The following FAM168B variants were observed in gnomAD, a reference collection of about 807,000 sequenced individuals.
The protein encoded by FAM168B is family with sequence similarity 168 member B.
Under a neutral mutation model 21.8 loss-of-function variants are expected in FAM168B, and 19 were observed. The observed-to-expected ratio is 0.87, with a 90% CI of 0.61 to 1.28. FAM168B has a LOEUF of 1.28. Ranked by LOEUF, FAM168B falls within the 50% of genes most tolerant of loss-of-function variation. FAM168B has a pLI of 0.00. For synonymous variants in FAM168B, 126 were observed against 104.8 expected, an observed-to-expected ratio of 1.20 and a Z score of -1.24; for missense variants, 233 against 263.1, an observed-to-expected ratio of 0.89 and a Z score of 0.79.
intron 1 of FAM168B, among the ~76,000 whole-genome samples, chr2:131,085,784 T>C (rs935789950): frequency 5.9e-5 from 9 of 152,234 alleles, no homozygotes; most frequent in African/African-American, 2.2e-4. Context: ...AGCTACGTGA[T>C]AGGTCTTGAC....
chr2:131,087,694 T>C (rs1388377481), intron 1 of FAM168B, among the ~76,000 whole-genome samples: 2 of 151,984 alleles, frequency 1.3e-5, no homozygotes, highest in African/African-American at 4.8e-5. Flanking sequence ...CAGGCCTGAG[T>C]GGAGATGTCC....
chr2:131,052,790 C>A, intron 6 of FAM168B, 101 bp downstream of exon 6: 1 of 1,476,114 alleles, frequency 6.8e-7, no homozygotes. Flanking sequence ...CAGGGTCAGG[C>A]ACACTTTCCT....
chr2:131,074,153 A>G (rs1693020046), intron 2 of FAM168B, among the ~76,000 whole-genome samples: 1 of 151,926 alleles, frequency 6.6e-6, no homozygotes, highest in African/African-American at 2.4e-5. Context: ...TTTTTGAGAC[A>G]GAGTCTCGCT....
intron 2 of FAM168B, among the ~76,000 whole-genome samples, chr2:131,077,722 G>C (rs924657280): frequency 2.0e-5 from 3 of 151,668 alleles, no homozygotes; most frequent in African/African-American, 7.3e-5. Context: ...TGGTGATCTT[G>C]AAGGGCTGTA....
intron 5 of FAM168B, among the ~76,000 whole-genome samples, chr2:131,054,888 T>C (rs919741263): frequency 6.6e-6 from 1 of 152,122 alleles, no homozygotes; most frequent in Non-Finnish European, 1.5e-5. Context: ...AACATCCCGA[T>C]GAAGACAACT....
At chr2:131,091,384 G>A (rs1029247803) in intron 1 of FAM168B, among the ~76,000 whole-genome samples, 3 of 151,526 alleles carry the variant, frequency 2.0e-5, no homozygotes, top group African/African-American at 7.3e-5. Flanking sequence ...GGCCGAGCGC[G>A]GTGGTGTCTC....
At position 131,055,388 on chromosome 2, in the gene FAM168B, G is replaced by A; in HGVS notation, c.359C>T (p.Thr120Met). The A allele has an allele frequency of 1.2e-6, 2 of 1,606,044 alleles. No homozygotes were observed. Among genetic ancestry groups the A allele is most frequent in the Non-Finnish European group, 8.5e-7 (1 of 1,177,562 alleles). Residue 120 changes from threonine to methionine, a missense_variant, in exon 5 of 7, where the codon ACG becomes ATG. Transcript: ENST00000389915. ...AAPPHVIHHT[T>M]VVQPNGMPAT... is the part of the protein sequence containing the mutation. ...AGGCATGCCGTTGGGCTGCACCACC[G>A]TGGTGTGGTGGATGACGTGAGGAGG...
intron 3 of FAM168B, among the ~76,000 whole-genome samples, chr2:131,057,712 T>C (rs1692097122): frequency 6.6e-6 from 1 of 152,230 alleles, no homozygotes; most frequent in African/African-American, 2.4e-5. Flanking sequence ...TGCCTCTGCA[T>C]TCTGCCTGGG....
Position 131,074,850 on chromosome 2 carries a change from C to A in FAM168B, c.71-2912G>T, listed in dbSNP as rs192494197. Among the ~76,000 whole-genome samples, 30 of 152,314 alleles carry A rather than the reference C, an allele frequency of 2.0e-4. No homozygotes were observed. The East Asian group carries it at 5.4e-3, about 27-fold the overall frequency. ...CTGGATCCCTTGCTCTATTGCCCTG[C>A]ATCCCTAAGCCATCTTGCAGGTTTC... On this transcript the variant is annotated intron_variant, in intron 2 of 6. Transcript: ENST00000389915.
intron 3 of FAM168B, among the ~76,000 whole-genome samples, chr2:131,063,551 G>A (rs556987600): frequency 6.6e-6 from 1 of 152,294 alleles, no homozygotes; most frequent in South Asian, 2.1e-4. Flanking sequence ...GGCCAAGATG[G>A]GAGGATAACT....
Position 131,085,848 on chromosome 2 carries a change from T to C in FAM168B, c.-11-3191A>G, listed in dbSNP as rs571980954. 3.3e-5 allele frequency among the ~76,000 whole-genome samples: 5 copies of C among 152,378 alleles called. No individual in the cohort carries two copies. The East Asian group carries it at 9.6e-4, about 29-fold the overall frequency. ...TGACCACATCCTTCTCCATCTGTGC[T>C]GTCCCCTACAGCAGCCGCCTGCCAA... On this transcript the variant is annotated intron_variant, in intron 1 of 6. Transcript: ENST00000389915.
intron 3 of FAM168B, among the ~76,000 whole-genome samples, chr2:131,070,147 G>T (rs959307145): frequency 6.6e-6 from 1 of 152,058 alleles, no homozygotes; most frequent in Non-Finnish European, 1.5e-5. Context: ...GTGAGCCACC[G>T]CGCCCAGCCT....
intron 1 of FAM168B, among the ~76,000 whole-genome samples, chr2:131,086,228 T>C (rs1693693349): frequency 1.3e-5 from 2 of 152,276 alleles, no homozygotes; most frequent in East Asian, 3.9e-4. Context: ...AAGAAGCAAA[T>C]ATTTCCCAAA....
intron 1 of FAM168B, among the ~76,000 whole-genome samples, chr2:131,085,945 T>C (rs1693673722): frequency 6.6e-6 from 1 of 152,180 alleles, no homozygotes; most frequent in Admixed American, 6.5e-5. Flanking sequence ...TTATTTAACT[T>C]CAACATAAGT....
chr2:131,071,835 T>C lies in FAM168B; in HGVS notation c.154+20A>G, dbSNP rs1168611488. 6.2e-7 allele frequency: 1 copy of C among 1,605,516 alleles called. No homozygotes were observed. Among genetic ancestry groups the C allele is most frequent in the Non-Finnish European group, 8.5e-7 (1 of 1,173,168 alleles). On this transcript the variant is annotated intron_variant, in intron 3 of 6. Transcript: ENST00000389915. The stretch of plus-strand genomic sequence containing the variant: ...CTCTCCCAGCTGTACGTACAAAGCA[T>C]TTTACCACCCAGCACATACCTGTTT...
At chr2:131,069,343 A>G (rs1692738429) in intron 3 of FAM168B, among the ~76,000 whole-genome samples, 1 of 152,232 alleles carries the variant, frequency 6.6e-6, no homozygotes, top group African/African-American at 2.4e-5. Context: ...TACGTATGCC[A>G]AAGATATAAA....
chr2:131,074,047 A>T, intron 2 of FAM168B, among the ~76,000 whole-genome samples: 1 of 152,204 alleles, frequency 6.6e-6, no homozygotes, highest in East Asian at 1.9e-4. Context: ...GCCCTTTTCG[A>T]TAAGGCCTCC....
At chr2:131,075,162 G>C (rs1008557741) in intron 2 of FAM168B, among the ~76,000 whole-genome samples, 3 of 151,950 alleles carry the variant, frequency 2.0e-5, no homozygotes, top group African/African-American at 7.3e-5. Flanking sequence ...TGGGGATGCT[G>C]AGAGACTCCT....
intron 2 of FAM168B, among the ~76,000 whole-genome samples, chr2:131,075,456 C>T (rs542373929): frequency 8.7e-4 from 133 of 152,040 alleles, no homozygotes; most frequent in African/African-American, 3.0e-3. Context: ...CCCTGAAAAA[C>T]TACTGTCTTC....
Sources: allele counts gnomAD v4.1 joint callset (sites outside exome capture counted in the v4.1 genomes callset), GRCh38; gene constraint gnomAD v4.1.1; transcripts MANE v1.5; gene names NCBI Gene and HGNC (gene_info 2026-07-23, HGNC 2026-07-21).